The following NEK1 variants were observed in gnomAD, a reference collection of about 807,000 sequenced individuals.
NEK1 encodes the protein serine/threonine-protein kinase Nek1.
Under a neutral mutation model 182.1 loss-of-function variants are expected in NEK1, and 137 were observed. That is an observed-to-expected ratio of 0.75 (90% CI 0.65 to 0.87). NEK1 has a LOEUF of 0.87. Ranked by LOEUF, NEK1 falls within the 40% of genes least tolerant of loss-of-function variation. The probability of loss-of-function intolerance (pLI) is 0.00; values close to 1 mark genes in which losing one functional copy is unlikely to be tolerated. For missense variants in NEK1, 1,391 were observed against 1,494.4 expected, an observed-to-expected ratio of 0.93 and a Z score of 1.14; for synonymous variants, 513 against 492.2, an observed-to-expected ratio of 1.04 and a Z score of -0.56.
intron 35 of NEK1, among the ~76,000 whole-genome samples, chr4:169,395,490 T>C (rs1195833921): frequency 1.3e-5 from 2 of 152,206 alleles, no homozygotes; most frequent in Non-Finnish European, 2.9e-5. Flanking sequence ...CCATTTGTCT[T>C]TCAGAATCCA....
intron 2 of NEK1, among the ~76,000 whole-genome samples, chr4:169,609,252 A>G (rs1399140635): frequency 6.6e-6 from 1 of 152,116 alleles, no homozygotes; most frequent in Non-Finnish European, 1.5e-5. Context: ...ATATGGTGGG[A>G]CTATAAATTG....
chr4:169,541,538 G>C (rs895474264), intron 18 of NEK1, among the ~76,000 whole-genome samples: 2 of 152,116 alleles, frequency 1.3e-5, no homozygotes, highest in Non-Finnish European at 2.9e-5. Context: ...ATGAAGAAAA[G>C]AGAATCTGAA....
intron 23 of NEK1, among the ~76,000 whole-genome samples, chr4:169,487,011 C>CA (rs1304509813): frequency 2.0e-5 from 3 of 151,976 alleles, no homozygotes; most frequent in Admixed American, 1.3e-4. Flanking sequence ...TTGGCCCTCC[C>CA]AAAAAAAGGA....
chr4:169,560,530 G>A (rs1207630543), intron 16 of NEK1, among the ~76,000 whole-genome samples: 1 of 152,080 alleles, frequency 6.6e-6, no homozygotes, highest in Non-Finnish European at 1.5e-5. Flanking sequence ...CTAATCAAGT[G>A]AGCTGCTATA....
intron 27 of NEK1, among the ~76,000 whole-genome samples, chr4:169,458,308 T>C (rs1561223737): frequency 6.6e-6 from 1 of 152,182 alleles, no homozygotes; most frequent in Admixed American, 6.5e-5. Context: ...GAAGAAGGAA[T>C]AGTATTTACA....
intron 9 of NEK1, 78 bp downstream of exon 9, chr4:169,587,481 T>A (rs1767727734): frequency 1.2e-6 from 1 of 808,430 alleles, no homozygotes; most frequent in African/African-American, 1.8e-5. Context: ...TGAAAGATAA[T>A]ATAACTTAAA....
rs537606969 is a variant in NEK1 at position 169,394,634 on chromosome 4, C to T, written c.3848-111G>A. ...AGAAGAGCTTTAATGTAGTTTTAAA[C>T]ATACTTTTAAAATTATTTTATCACA... On this transcript the variant is annotated intron_variant, in intron 35 of 35. Transcript: ENST00000507142. 1.7e-4 allele frequency: 97 copies of T among 581,876 alleles called. No homozygotes were observed. In the South Asian group the frequency reaches 2.3e-3, roughly 14 times the overall value. The allele number at this position is 581,876 out of a possible 1,614,324, so 36.0% of individuals were successfully genotyped here. A position where few individuals can be genotyped will look rare whatever the true frequency, so the allele number is the denominator to read the frequency against.
chr4:169,561,035 T>C (rs1012087212), intron 16 of NEK1, among the ~76,000 whole-genome samples: 3 of 152,088 alleles, frequency 2.0e-5, no homozygotes, highest in Non-Finnish European at 4.4e-5. Flanking sequence ...ACTACAAATA[T>C]AGTCTTCATT....
rs755724871 is a variant in NEK1 at position 169,561,508 on chromosome 4, A to T, written c.1238T>A (p.Leu413Gln). The change falls in exon 16 of 36, where the codon CTA (leucine) becomes CAA (glutamine). Residue 413 changes from leucine (L) to glutamine (Q), a missense_variant. By Grantham distance (113) the Leu-to-Gln change is moderately radical. Transcript: ENST00000507142. ...TACTTCACCACTTCCACCAGCACTT[A>T]GCACATTTCTCCATCCTTGTTCCCT... is the stretch of plus-strand genomic sequence containing the variant. Reference protein sequence around the residue: ...RAREQGWRNVLSAGGSGEVKA... With the variant: ...RAREQGWRNVQSAGGSGEVKA... 7.4e-6 allele frequency: 12 copies of T among 1,613,522 alleles called. No individual in the cohort carries two copies. The highest frequency in any genetic ancestry group is 1.3e-5 in the African/African-American group (1 of 74,912).
chr4:169,547,527 T>G (rs1010808074), intron 18 of NEK1, among the ~76,000 whole-genome samples: 1 of 152,192 alleles, frequency 6.6e-6, no homozygotes, highest in Non-Finnish European at 1.5e-5. Context: ...CCTGCCTTGC[T>G]AGGTTGCAGA....
chr4:169,460,789 T>G (rs1254127002), intron 27 of NEK1, among the ~76,000 whole-genome samples: 1 of 151,978 alleles, frequency 6.6e-6, no homozygotes, highest in Non-Finnish European at 1.5e-5. Flanking sequence ...ATAATTAAAC[T>G]ATATATTAAA....
intron 27 of NEK1, among the ~76,000 whole-genome samples, chr4:169,462,952 C>T (rs1314891997): frequency 6.6e-6 from 1 of 152,012 alleles, no homozygotes; most frequent in African/African-American, 2.4e-5. Context: ...CATCTCAGTG[C>T]ATTTCTCCTA....
intron 5 of NEK1, among the ~76,000 whole-genome samples, chr4:169,591,798 C>T (rs977351713): frequency 6.6e-6 from 1 of 152,052 alleles, no homozygotes; most frequent in Non-Finnish European, 1.5e-5. Context: ...AAGTTGACTA[C>T]ATACAATTTA....
intron 16 of NEK1, among the ~76,000 whole-genome samples, chr4:169,557,433 A>T (rs1324532491): frequency 6.6e-6 from 1 of 152,218 alleles, no homozygotes; most frequent in East Asian, 1.9e-4. Flanking sequence ...TTAAGAAGAA[A>T]TCAATAACCT....
chr4:169,490,202 T>C (rs906689805), intron 23 of NEK1, among the ~76,000 whole-genome samples: 2 of 152,140 alleles, frequency 1.3e-5, no homozygotes, highest in African/African-American at 4.8e-5. Context: ...CTGAAGGAGC[T>C]GCATGGACAC....
At chr4:169,466,877 C>T (rs557727121) in intron 26 of NEK1, among the ~76,000 whole-genome samples, 29 of 151,992 alleles carry the variant, frequency 1.9e-4, no homozygotes, top group African/African-American at 6.5e-4. Context: ...AAAAATAGCA[C>T]CAAAGGTTGG....
chr4:169,580,693 C>A, intron 11 of NEK1, 149 bp downstream of exon 11: 2 of 567,592 alleles, frequency 3.5e-6, no homozygotes, highest in Non-Finnish European at 6.3e-6. Context: ...TGTATATTGC[C>A]ATAAAACATT....
At chr4:169,568,894 G>A (rs1476335498) in intron 12 of NEK1, among the ~76,000 whole-genome samples, 3 of 145,990 alleles carry the variant, frequency 2.1e-5, no homozygotes, top group Non-Finnish European at 4.4e-5. Flanking sequence ...CCGAGATCAC[G>A]CCATTGCACT....
Position 169,434,208 on chromosome 4 carries a change from T to G in NEK1, c.2765-543A>C, listed in dbSNP as rs1247532698. On this transcript the variant is annotated intron_variant, in intron 28 of 35. Coordinates refer to ENST00000507142, the MANE Select transcript of NEK1 (RefSeq NM_001199397.3). The stretch of plus-strand genomic sequence containing the variant: ...TTTCTTAGACACTCAAATAGTTTTT[T>G]TTTTTTTTTTTTTTTTTGAGACAGG... 3.5e-4 allele frequency among the ~76,000 whole-genome samples: 51 copies of G among 146,288 alleles called. 1 individual carries two copies. In the South Asian group the frequency reaches 8.1e-3, roughly 23 times the overall value.
Sources: gnomAD v4.1 joint callset for allele counts (sites outside exome capture counted in the v4.1 genomes callset) on GRCh38, gnomAD v4.1.1 for gene constraint, MANE v1.5 for transcripts, NCBI Gene and HGNC (gene_info 2026-07-23, HGNC 2026-07-21) for gene names.